SHROOM2: variants seen among roughly 807,000 people sequenced by gnomAD.
SHROOM2 encodes shroom family member 2.
Under a neutral mutation model 75.9 loss-of-function variants are expected in SHROOM2, and 33 were observed. That is an observed-to-expected ratio of 0.43 (90% confidence interval 0.33 to 0.58). The LOEUF is 0.58. SHROOM2 is among the 20% of genes least tolerant of loss of function. The pLI is 0.04. For missense variants in SHROOM2, 1,434 were observed against 1,461.2 expected (o/e 0.98, Z 0.30); for synonymous variants, 655 against 663.6 (o/e 0.99, Z 0.20).
In SHROOM2 at chrX:9,948,705, ATG is replaced by A. The variant is rs970399360; in HGVS notation, c.*1770_*1771del. 1 of 113,112 alleles carries A rather than the reference ATG, an allele frequency of 8.8e-6. No individual in the cohort carries two copies. The highest frequency in any genetic ancestry group is 3.2e-5 in the African/African-American group (1 of 31,064). 9.3% of individuals were successfully genotyped at this position (113,112 alleles called of 1,213,427 possible). Reference sequence around the variant, plus strand: ...CAGCCTACCAATGCCAAAAGGATAAATGTCTTTCCAAAAGTGTGTATTCCTGT... The same window carrying A: ...CAGCCTACCAATGCCAAAAGGATAAATCTTTCCAAAAGTGTGTATTCCTGT... On this transcript the variant is annotated 3_prime_UTR_variant, in exon 10 of 10. Transcript: ENST00000380913.
At chrX:9,882,916 C>T (rs1213147671) in intron 2 of SHROOM2, among the ~76,000 whole-genome samples, 2 of 112,544 alleles carry the variant, frequency 1.8e-5, no homozygotes, top group Non-Finnish European at 3.8e-5. Flanking sequence ...TCTCCTAGGA[C>T]CATAGACTTT....
intron 1 of SHROOM2, among the ~76,000 whole-genome samples, chrX:9,787,992 C>CTTTTTTTT (rs58004470): frequency 1.2e-5 from 1 of 84,222 alleles, no homozygotes; most frequent in East Asian, 3.7e-4. Flanking sequence ...TTTCTTTCTT[C>CTTTTTTTT]TTTTTTTTTT....
intron 1 of SHROOM2, among the ~76,000 whole-genome samples, chrX:9,790,871 T>C (rs751817279): frequency 5.4e-5 from 6 of 110,880 alleles, no homozygotes; most frequent in Non-Finnish European, 1.1e-4. Context: ...TCTCCGGCGA[T>C]GTTTTGGGCA....
chrX:9,883,086 AC>A (rs974851079), intron 2 of SHROOM2, among the ~76,000 whole-genome samples: 3 of 112,223 alleles, frequency 2.7e-5, no homozygotes, highest in African/African-American at 9.7e-5. Flanking sequence ...GTACTTGTAT[AC>A]ATTCATGTGA....
At chrX:9,903,923 A>T (rs1250218733) in intron 5 of SHROOM2, among the ~76,000 whole-genome samples, 1 of 110,708 alleles carries the variant, frequency 9.0e-6, no homozygotes, top group East Asian at 2.8e-4. Flanking sequence ...CCCAGGACCG[A>T]GACAGGCGGC....
intron 5 of SHROOM2, chrX:9,913,239 A>G (rs2084449150): frequency 8.9e-6 from 1 of 112,703 alleles, no homozygotes; most frequent in African/African-American, 3.2e-5. Context: ...TGAGTCAGCT[A>G]CATCCTCAAG....
rs372285834 is a variant in SHROOM2, at chrX:9,894,823, C to T, written c.915C>T (p.Pro305=). The part of the protein sequence containing the change: ...RSNFGPVWYV[P]DKKKAPSSPP... ...ATTTTGGGCCAGTCTGGTATGTTCC[C>T]GATAAGAAGAAAGCACCATCATCCC... The change falls in exon 4 of 10, where the codon CCC becomes CCT. Residue 305 remains proline (P), a synonymous_variant. Coordinates refer to ENST00000380913, the MANE Select transcript of SHROOM2 (RefSeq NM_001649.4). 21 of 1,211,981 alleles carry T rather than the reference C, an allele frequency of 1.7e-5. No homozygotes were observed. The South Asian group carries it at 1.9e-4, about 11-fold the overall frequency.
intron 2 of SHROOM2, among the ~76,000 whole-genome samples, chrX:9,880,111 G>T (rs1020468303): frequency 2.7e-5 from 3 of 111,914 alleles, no homozygotes; most frequent in African/African-American, 9.7e-5. Flanking sequence ...ACTTGAGGGC[G>T]CAGGGATCTG....
chrX:9,919,404 T>C (rs1294852008), intron 5 of SHROOM2, among the ~76,000 whole-genome samples: 2 of 89,358 alleles, frequency 2.2e-5, no homozygotes, highest in Non-Finnish European at 4.2e-5. Flanking sequence ...TGATATCAGC[T>C]CACTGCAACC....
At chrX:9,863,653 A>G (rs1445428865) in intron 1 of SHROOM2, among the ~76,000 whole-genome samples, 5 of 108,015 alleles carry the variant, frequency 4.6e-5, no homozygotes, top group Middle Eastern at 4.8e-3. Context: ...GTGTCTCACT[A>G]TGTTACCCAG....
intron 6 of SHROOM2, among the ~76,000 whole-genome samples, chrX:9,935,347 A>G (rs2084692313): frequency 9.4e-6 from 1 of 105,915 alleles, no homozygotes; most frequent in African/African-American, 3.6e-5. Context: ...TATTATTATT[A>G]TGTTTTTAAC....
intron 5 of SHROOM2, among the ~76,000 whole-genome samples, chrX:9,908,732 G>C (rs1310076381): frequency 1.8e-5 from 2 of 110,221 alleles, no homozygotes; most frequent in African/African-American, 6.6e-5. Context: ...TGAGAGGATT[G>C]CTTGAGCCCA....
At chrX:9,810,397 A>T (rs985952766) in intron 1 of SHROOM2, among the ~76,000 whole-genome samples, 1 of 111,308 alleles carries the variant, frequency 9.0e-6, no homozygotes, top group Non-Finnish European at 1.9e-5. Flanking sequence ...ACTCTTCCCT[A>T]GTTCCATTGC....
chrX:9,948,858 AC>A lies in SHROOM2; in HGVS notation c.*1926del, dbSNP rs769297216. On this transcript the variant is annotated 3_prime_UTR_variant, in exon 10 of 10. Transcript: ENST00000380913. ...AAAAGGTGAAGCTGGCTGTGCACTT[AC>A]CCCCATCTTTCTCCCTCGGGGAGAC... The A allele has an allele frequency of 4.7e-3, 542 of 114,785 alleles. 4 individuals are homozygous for A. Among genetic ancestry groups the A allele is most frequent in the Non-Finnish European group, 7.8e-3 (426 of 54,786 alleles). 9.5% of individuals were successfully genotyped at this position (114,785 alleles called of 1,213,427 possible).
At chrX:9,821,793 G>C (rs754592116) in intron 1 of SHROOM2, among the ~76,000 whole-genome samples, 5 of 111,702 alleles carry the variant, frequency 4.5e-5, no homozygotes, top group Non-Finnish European at 9.4e-5. Context: ...CAGAGGGGAG[G>C]GTCTGCCAGC....
intron 1 of SHROOM2, among the ~76,000 whole-genome samples, chrX:9,866,084 ATTTTTT>A (rs773543500): frequency 5.1e-5 from 4 of 78,761 alleles, no homozygotes; most frequent in African/African-American, 2.1e-4. Flanking sequence ...GGGGCCAGGA[ATTTTTT>A]TTTTTTTTTT....
intron 5 of SHROOM2, among the ~76,000 whole-genome samples, chrX:9,902,331 A>T (rs1265026451): frequency 1.8e-5 from 2 of 110,457 alleles, no homozygotes; most frequent in Admixed American, 1.9e-4. Flanking sequence ...GGATGGATAC[A>T]TGGGTGCATG....
chrX:9,828,078 C>T (rs1024297497), intron 1 of SHROOM2, among the ~76,000 whole-genome samples: 2 of 112,456 alleles, frequency 1.8e-5, no homozygotes, highest in Admixed American at 9.4e-5. Flanking sequence ...TTCACTTGGC[C>T]GGGAAGGCCT....
Position 9,946,792 on chromosome X carries a change from A to G in SHROOM2, c.4706A>G (p.Glu1569Gly), listed in dbSNP as rs923196943. Reference protein sequence around the residue: ...VFDILANYLSEESLADYEHFV... With the variant: ...VFDILANYLSGESLADYEHFV... Reference sequence around the variant, plus strand: ...GACATTTTGGCCAACTATCTGAGCGAGGAGAGCCTCGCGGACTATGAGCAC... The same window carrying G: ...GACATTTTGGCCAACTATCTGAGCGGGGAGAGCCTCGCGGACTATGAGCAC... The change falls in exon 10 of 10, where the codon GAG (glutamate) becomes GGG (glycine). Residue 1569 changes from glutamate (E) to glycine (G), a missense_variant. Physicochemically the swap from Glu to Gly is moderately conservative, Grantham distance 98. Coordinates refer to ENST00000380913, the MANE Select transcript of SHROOM2 (RefSeq NM_001649.4). 8.3e-7 allele frequency: 1 copy of G among 1,204,531 alleles called. No homozygotes were observed. Among genetic ancestry groups the G allele is most frequent in the African/African-American group, 1.7e-5 (1 of 57,454 alleles).
Sources: gnomAD v4.1 joint callset for allele counts (sites outside exome capture counted in the v4.1 genomes callset) on GRCh38, gnomAD v4.1.1 for gene constraint, MANE v1.5 for transcripts, NCBI Gene and HGNC (gene_info 2026-07-23, HGNC 2026-07-21) for gene names.